Variants in USP40 observed in about 807,000 individuals in gnomAD.
USP40 encodes the protein ubiquitin carboxyl-terminal hydrolase 40.
A neutral mutation model predicts 166.2 loss-of-function variants in USP40; 143 were observed. That is an observed-to-expected ratio of 0.86 (90% CI 0.75 to 0.99). USP40 has a LOEUF of 0.99. Ranked by LOEUF, USP40 falls within the 50% of genes least tolerant of loss-of-function variation. The pLI is 0.00. For synonymous variants in USP40, 498 were observed against 524.0 expected (o/e 0.95, Z 0.68); for missense variants, 1,444 against 1,479.7 (o/e 0.98, Z 0.40).
chr2:233,522,698 C>CT (rs2067741051), intron 16 of USP40, among the ~76,000 whole-genome samples: 2 of 152,318 alleles, frequency 1.3e-5, no homozygotes, highest in South Asian at 4.1e-4. Context: ...ATTTGGGCAA[C>CT]TGGGTTCTCA....
intron 26 of USP40, 43 bp from the exon 27 acceptor site, chr2:233,489,526 A>G (rs1191148491): frequency 6.8e-7 from 1 of 1,472,700 alleles, no homozygotes; most frequent in South Asian, 1.3e-5. Context: ...TTTAAAAAGC[A>G]CTCTTCAAAA....
chr2:233,511,921 C>T (rs779773440), intron 19 of USP40, 124 bp from the exon 20 acceptor site: 7 of 741,502 alleles, frequency 9.4e-6, no homozygotes, highest in Non-Finnish European at 1.5e-5. Context: ...ATGAGTTGCA[C>T]TTCAGACAAA....
chr2:233,518,636 C>A (rs989756669), intron 18 of USP40, among the ~76,000 whole-genome samples: 1 of 151,596 alleles, frequency 6.6e-6, no homozygotes, highest in Non-Finnish European at 1.5e-5. Context: ...AAACTGCAAC[C>A]CTGACACACT....
chr2:233,550,878 T>C (rs2070485503), intron 7 of USP40, among the ~76,000 whole-genome samples: 1 of 152,202 alleles, frequency 6.6e-6, no homozygotes, highest in African/African-American at 2.4e-5. Context: ...CATCATTACA[T>C]GTAAAATAAA....
intron 11 of USP40, 67 bp from the exon 12 acceptor site, chr2:233,529,579 T>G (rs1177731276): frequency 8.1e-7 from 1 of 1,238,644 alleles, no homozygotes. Flanking sequence ...AGAGGTAGCA[T>G]GAAGACTAGG....
intron 9 of USP40, among the ~76,000 whole-genome samples, chr2:233,541,976 G>C (rs2069460695): frequency 1.3e-5 from 2 of 152,006 alleles, no homozygotes; most frequent in Non-Finnish European, 2.9e-5. Flanking sequence ...ATATATCAAA[G>C]TGTTAACAAT....
chr2:233,502,050 T>C (rs188792469), intron 21 of USP40, among the ~76,000 whole-genome samples: 20 of 152,284 alleles, frequency 1.3e-4, no homozygotes, highest in African/African-American at 4.1e-4. Flanking sequence ...ATAGAGCAAG[T>C]AACATGAAGA....
At chr2:233,566,009 A>G (rs1575360478) in intron 1 of USP40, among the ~76,000 whole-genome samples, 2 of 152,300 alleles carry the variant, frequency 1.3e-5, no homozygotes, top group African/African-American at 4.8e-5. Flanking sequence ...AAATTCTGAG[A>G]ATCAACTCTC....
intron 15 of USP40, among the ~76,000 whole-genome samples, chr2:233,524,052 T>C (rs535799537): frequency 1.3e-5 from 2 of 152,334 alleles, no homozygotes; most frequent in African/African-American, 4.8e-5. Context: ...CTAGCACTGA[T>C]TGTCCCTAAC....
In USP40 at chr2:233,524,567, A is replaced by G. The variant is rs188732866; in HGVS notation, c.1811-5T>C. ...CACACAGTGTCAGTTCATCCCCTAGAAAGAGATCACCAGTGAGACCATTCA... is the reference window on the plus strand; with the variant it reads ...CACACAGTGTCAGTTCATCCCCTAGGAAGAGATCACCAGTGAGACCATTCA... On this transcript the variant is annotated splice_polypyrimidine_tract_variant and splice_region_variant and intron_variant, in intron 14 of 31. Coordinates refer to ENST00000678225, the MANE Select transcript of USP40 (RefSeq NM_001365479.2). The G allele has an allele frequency of 1.6e-5, 25 of 1,591,490 alleles. No homozygotes were observed. In the East Asian group the frequency reaches 5.4e-4, roughly 34 times the overall value.
At chr2:233,491,679 A>C (rs1279997131) in intron 25 of USP40, among the ~76,000 whole-genome samples, 5 of 152,074 alleles carry the variant, frequency 3.3e-5, no homozygotes, top group Non-Finnish European at 5.9e-5. Context: ...CCTCAAAACA[A>C]CAGAATTTTC....
intron 18 of USP40, among the ~76,000 whole-genome samples, chr2:233,518,595 C>T (rs2067426412): frequency 6.7e-6 from 1 of 148,632 alleles, no homozygotes; most frequent in African/African-American, 2.5e-5. Context: ...AAGATAATCA[C>T]AATTAATCAC....
intron 31 of USP40, among the ~76,000 whole-genome samples, chr2:233,478,302 G>A (rs1014203268): frequency 2.0e-5 from 3 of 151,944 alleles, no homozygotes; most frequent in Non-Finnish European, 2.9e-5. Context: ...CCACACACAG[G>A]GGATGAGAGC....
intron 6 of USP40, among the ~76,000 whole-genome samples, chr2:233,553,054 G>A (rs1169420939): frequency 2.8e-5 from 1 of 35,670 alleles, no homozygotes; most frequent in Admixed American, 3.4e-4. Flanking sequence ...CAGCAGGGTT[G>A]ATGCCATAGA....
intron 11 of USP40, among the ~76,000 whole-genome samples, chr2:233,531,964 ATTGAAAGGAACACCCTAAC>A (rs575212982): frequency 2.8e-4 from 43 of 152,312 alleles, no homozygotes; most frequent in African/African-American, 1.0e-3. Context: ...CTAGAACTAA[ATTGAAAGGAACACCCTAAC>A]TTTCCATTCC....
chr2:233,558,695 A>G (rs1174280668), intron 4 of USP40, among the ~76,000 whole-genome samples: 1 of 152,236 alleles, frequency 6.6e-6, no homozygotes, highest in Non-Finnish European at 1.5e-5. Flanking sequence ...TGATGGTTGA[A>G]CAACTCTGTG....
chr2:233,509,052 T>C (rs1445827539), intron 21 of USP40, among the ~76,000 whole-genome samples: 1 of 152,176 alleles, frequency 6.6e-6, no homozygotes, highest in Non-Finnish European at 1.5e-5. Flanking sequence ...AACCAGCCAT[T>C]ATTCTAAGAT....
chr2:233,561,129 A>G, intron 3 of USP40: 4 of 1,559,530 alleles, frequency 2.6e-6, no homozygotes, highest in Non-Finnish European at 3.5e-6. Flanking sequence ...TGAATACGCT[A>G]AAACACCCCA....
rs78885299 is a variant in USP40 at position 233,522,285 on chromosome 2, G to T, written c.2201+885C>A. Among the ~76,000 whole-genome samples, 963 of 152,170 alleles carry T rather than the reference G, an allele frequency of 6.3e-3. 22 individuals are homozygous for T. In the East Asian group the frequency reaches 0.084, roughly 13 times the overall value. ...TGCTGAGAAGACGGATACTGTTTTG[G>T]GTCCCTTCTGTCTTCACTTTTGTAT... On this transcript the variant is annotated intron_variant, in intron 16 of 31. Transcript: ENST00000678225.
Sources: allele counts gnomAD v4.1 joint callset (sites outside exome capture counted in the v4.1 genomes callset), GRCh38; gene constraint gnomAD v4.1.1; transcripts MANE v1.5; gene names NCBI Gene and HGNC (gene_info 2026-07-23, HGNC 2026-07-21).